WWOX: variants seen among roughly 807,000 people sequenced by gnomAD.
WWOX encodes the protein WW domain-containing oxidoreductase.
WWOX carries 69 observed loss-of-function variants against 46.2 expected under a neutral mutation model. That is an observed-to-expected ratio of 1.49 (90% CI 1.23 to 1.82). WWOX has a LOEUF of 1.82. Ranked by LOEUF, WWOX falls within the 40% of genes most tolerant of loss-of-function variation. WWOX has a pLI of 0.00. For missense variants in WWOX, 919 were observed against 542.6 expected, an observed-to-expected ratio of 1.69 and a Z score of -6.89; for synonymous variants, 359 against 202.6, an observed-to-expected ratio of 1.77 and a Z score of -6.56.
intron 8 of WWOX, among the ~76,000 whole-genome samples, chr16:78,691,540 C>G (rs867637951): frequency 6.6e-6 from 1 of 151,882 alleles, no homozygotes; most frequent in African/African-American, 2.4e-5. Context: ...GATCCTGTCT[C>G]TACAAAAAAT....
chr16:78,121,246 C>T (rs2033079302), intron 4 of WWOX, among the ~76,000 whole-genome samples: 1 of 152,146 alleles, frequency 6.6e-6, no homozygotes, highest in Non-Finnish European at 1.5e-5. Flanking sequence ...ATTGGAACTC[C>T]ATTTTAAATT....
At chr16:78,144,519 A>AT (rs2034129708) in intron 4 of WWOX, among the ~76,000 whole-genome samples, 1 of 34,678 alleles carries the variant, frequency 2.9e-5, no homozygotes, top group Non-Finnish European at 5.4e-5. Flanking sequence ...ATATATATAT[A>AT]TATATTTTTT....
chr16:78,143,077 C>G (rs1227151304), intron 4 of WWOX, among the ~76,000 whole-genome samples: 1 of 152,144 alleles, frequency 6.6e-6, no homozygotes, highest in Non-Finnish European at 1.5e-5. Flanking sequence ...TCCAGCTTTG[C>G]AATGAAAAGC....
intron 8 of WWOX, among the ~76,000 whole-genome samples, chr16:78,621,091 G>C (rs1487810175): frequency 6.6e-6 from 1 of 152,052 alleles, no homozygotes; most frequent in African/African-American, 2.4e-5. Context: ...CTGCCACCTT[G>C]GTCCACAGTT....
At chr16:78,214,247 C>G (rs1417908255) in intron 5 of WWOX, among the ~76,000 whole-genome samples, 1 of 152,182 alleles carries the variant, frequency 6.6e-6, no homozygotes, top group African/African-American at 2.4e-5. Context: ...CAAGATCAGA[C>G]CGAGGGGTCC....
chr16:78,822,393 C>G (rs1316658400), intron 8 of WWOX, among the ~76,000 whole-genome samples: 4 of 152,140 alleles, frequency 2.6e-5, no homozygotes, highest in African/African-American at 9.7e-5. Flanking sequence ...ACTCAAGAGG[C>G]TGAGGCAGGA....
chr16:79,010,402 C>G (rs895793917), intron 8 of WWOX, among the ~76,000 whole-genome samples: 1 of 152,032 alleles, frequency 6.6e-6, no homozygotes, highest in African/African-American at 2.4e-5. Context: ...ACTCAAAGGA[C>G]CTATGTTTGC....
intron 8 of WWOX, among the ~76,000 whole-genome samples, chr16:78,693,551 A>G (rs1035086494): frequency 3.3e-5 from 5 of 152,254 alleles, no homozygotes; most frequent in African/African-American, 9.6e-5. Context: ...CCAAATAGTC[A>G]TAGAGTAGTA....
At chr16:79,050,691 GA>G (rs1018024643) in intron 8 of WWOX, among the ~76,000 whole-genome samples, 9 of 152,128 alleles carry the variant, frequency 5.9e-5, no homozygotes, top group Admixed American at 3.3e-4. Context: ...CGTTACAATT[GA>G]AAAAATCAAT....
chr16:79,114,555 G>T (rs1178565981), intron 8 of WWOX, among the ~76,000 whole-genome samples: 1 of 152,014 alleles, frequency 6.6e-6, no homozygotes, highest in East Asian at 2.0e-4. Flanking sequence ...GGAGCTGGAA[G>T]TGGCAAGGAT....
At chr16:78,582,539 A>G (rs2045086296) in intron 8 of WWOX, among the ~76,000 whole-genome samples, 1 of 152,216 alleles carries the variant, frequency 6.6e-6, no homozygotes, top group Non-Finnish European at 1.5e-5. Context: ...GCACAGAATT[A>G]AGACGTTATG....
rs1275645657 is a variant in WWOX at position 78,495,170 on chromosome 16, CT to C, written c.1056+62420del. Among the ~76,000 whole-genome samples, 21 of 53,474 alleles carry C rather than the reference CT, an allele frequency of 3.9e-4. No homozygotes were observed. The Admixed American group carries it at 6.0e-3, about 15-fold the overall frequency. 35.1% of individuals were successfully genotyped at this position (53,474 alleles called of 152,430 possible). A position where few individuals can be genotyped will look rare whatever the true frequency, so the allele number is the denominator to read the frequency against. On this transcript the variant is annotated intron_variant, in intron 8 of 8. Transcript: ENST00000566780. ...CTTTTTTTTTTTTTTGAGATAGACT[CT>C]TGCCTGTCGCCCAGGTTGCAGTGCG...
At chr16:78,696,280 A>G (rs973184336) in intron 8 of WWOX, among the ~76,000 whole-genome samples, 4 of 152,102 alleles carry the variant, frequency 2.6e-5, no homozygotes, top group African/African-American at 9.7e-5. Context: ...GGGATTTTCT[A>G]CAGCTCATAT....
intron 8 of WWOX, among the ~76,000 whole-genome samples, chr16:78,574,183 A>G (rs1301450371): frequency 6.6e-6 from 1 of 152,194 alleles, no homozygotes; most frequent in East Asian, 1.9e-4. Flanking sequence ...TCCTTCATCA[A>G]GCCAGCAACA....
intron 6 of WWOX, among the ~76,000 whole-genome samples, chr16:78,404,912 G>A (rs1289584159): frequency 6.6e-6 from 1 of 152,192 alleles, no homozygotes; most frequent in Non-Finnish European, 1.5e-5. Flanking sequence ...AATGAGACCT[G>A]CATGTCAGAT....
intron 8 of WWOX, among the ~76,000 whole-genome samples, chr16:78,467,417 A>T (rs868316050): frequency 6.6e-6 from 1 of 152,228 alleles, no homozygotes; most frequent in South Asian, 2.1e-4. Context: ...ATTTGAATAC[A>T]AGTCTTATCT....
intron 8 of WWOX, among the ~76,000 whole-genome samples, chr16:79,085,096 C>G (rs1413640944): frequency 2.0e-5 from 3 of 152,190 alleles, no homozygotes; most frequent in South Asian, 4.2e-4. Flanking sequence ...CAATTATACA[C>G]TTAAATATAC....
intron 8 of WWOX, among the ~76,000 whole-genome samples, chr16:79,089,332 C>T (rs1473832939): frequency 1.0e-5 from 1 of 96,326 alleles, no homozygotes; most frequent in Non-Finnish European, 1.9e-5. Flanking sequence ...AAGGTGGGGA[C>T]CTTTTTTTTT....
At chr16:79,123,857 T>C (rs16949592) in intron 8 of WWOX, among the ~76,000 whole-genome samples, 33,133 of 152,132 alleles carry the variant, frequency 0.22, 4,006 homozygotes, top group East Asian at 0.39. Flanking sequence ...CTGATTGATA[T>C]ACAGCAACAA....
Sources: gnomAD v4.1 joint callset for allele counts (sites outside exome capture counted in the v4.1 genomes callset) on GRCh38, gnomAD v4.1.1 for gene constraint, MANE v1.5 for transcripts, NCBI Gene and HGNC (gene_info 2026-07-23, HGNC 2026-07-21) for gene names.